Variants in SPTLC3 observed in about 807,000 individuals in gnomAD.
SPTLC3 encodes serine palmitoyltransferase 3.
Under a neutral mutation model 59.3 loss-of-function variants are expected in SPTLC3, and 36 were observed. The observed-to-expected ratio is 0.61, with a 90% CI of 0.47 to 0.80. SPTLC3 has a LOEUF of 0.80. Ranked by LOEUF, SPTLC3 falls within the 30% of genes least tolerant of loss-of-function variation. The pLI is 0.00. For missense variants in SPTLC3, 625 were observed against 685.1 expected (o/e 0.91, Z 0.98); for synonymous variants, 257 against 240.8 (o/e 1.07, Z -0.62).
At chr20:13,115,862 T>G (rs916006583) in intron 7 of SPTLC3, among the ~76,000 whole-genome samples, 1 of 152,148 alleles carries the variant, frequency 6.6e-6, no homozygotes, top group Non-Finnish European at 1.5e-5. Context: ...CTGTTTGTAT[T>G]GCATATGAGG....
At chr20:13,038,221 G>GT (rs1356136431) in intron 1 of SPTLC3, among the ~76,000 whole-genome samples, 2 of 151,974 alleles carry the variant, frequency 1.3e-5, no homozygotes, top group Non-Finnish European at 2.9e-5. Flanking sequence ...ATTCAGAAGT[G>GT]TTTTTTCCTT....
intron 1 of SPTLC3, among the ~76,000 whole-genome samples, chr20:13,041,418 C>T (rs1159607153): frequency 6.6e-6 from 1 of 152,098 alleles, no homozygotes; most frequent in Admixed American, 6.5e-5. Context: ...TGTTATTACA[C>T]TTTTCGATTT....
intron 2 of SPTLC3, among the ~76,000 whole-genome samples, chr20:13,068,335 T>C (rs1022294881): frequency 5.3e-5 from 8 of 152,222 alleles, no homozygotes; most frequent in African/African-American, 1.9e-4. Context: ...ATAAAGATGG[T>C]AAGCCAAATG....
intron 1 of SPTLC3, among the ~76,000 whole-genome samples, chr20:13,042,449 C>A (rs1334459612): frequency 6.6e-6 from 1 of 152,156 alleles, no homozygotes; most frequent in African/African-American, 2.4e-5. Flanking sequence ...CTCTATCCTG[C>A]TAGTGTGCTG....
chr20:13,152,555 C>T (rs1285947330), intron 9 of SPTLC3, among the ~76,000 whole-genome samples: 2 of 152,184 alleles, frequency 1.3e-5, no homozygotes, highest in African/African-American at 4.8e-5. Context: ...AAGCAGGCTT[C>T]CTCCAGGTTA....
At chr20:13,150,208 T>G (rs1470336826) in intron 9 of SPTLC3, among the ~76,000 whole-genome samples, 1 of 152,210 alleles carries the variant, frequency 6.6e-6, no homozygotes, top group Non-Finnish European at 1.5e-5. Flanking sequence ...TTTCAATGTA[T>G]GGGTGATTTT....
intron 9 of SPTLC3, 45 bp from the exon 10 acceptor site, chr20:13,153,958 T>G (rs1600397078): frequency 6.2e-7 from 1 of 1,604,552 alleles, no homozygotes; most frequent in Non-Finnish European, 8.5e-7. Context: ...TTTACTTCCC[T>G]CTTTCTAGTG....
chr20:13,151,104 G>T (rs1340809605), intron 9 of SPTLC3, among the ~76,000 whole-genome samples: 2 of 152,018 alleles, frequency 1.3e-5, no homozygotes, highest in Admixed American at 6.6e-5. Flanking sequence ...GACTCACCTT[G>T]CACTGCCCAC....
chr20:13,010,040 CTT>C (rs745481257), intron 1 of SPTLC3, among the ~76,000 whole-genome samples: 1 of 139,144 alleles, frequency 7.2e-6, no homozygotes, highest in East Asian at 2.2e-4. Context: ...CAACTTGACA[CTT>C]TTTTTTTTTT....
chr20:13,059,153 C>T lies in SPTLC3; in HGVS notation c.303+10023C>T, dbSNP rs185752620. ...AAAACATAGTTGTTTACATATCTCC[C>T]CTTTAATCTCAGAGTTAAATTCAAA... On this transcript the variant is annotated intron_variant, in intron 2 of 11. Coordinates refer to ENST00000399002, the MANE Select transcript of SPTLC3 (RefSeq NM_018327.4). 4.1e-4 allele frequency among the ~76,000 whole-genome samples: 63 copies of T among 152,260 alleles called. 2 individuals carry two copies. Among genetic ancestry groups the T allele is most frequent in the South Asian group, 3.3e-3 (16 of 4,824 alleles).
intron 6 of SPTLC3, among the ~76,000 whole-genome samples, chr20:13,102,756 A>G (rs1989648461): frequency 6.6e-6 from 1 of 152,168 alleles, no homozygotes; most frequent in African/African-American, 2.4e-5. Context: ...CCATCTCAGT[A>G]CTTTGTCTCA....
At chr20:13,049,301 A>G (rs1324744412) in intron 2 of SPTLC3, 171 bp downstream of exon 2, 9 of 697,054 alleles carry the variant, frequency 1.3e-5, no homozygotes, top group Non-Finnish European at 1.7e-5. Context: ...GGGCTTATGG[A>G]CCTGTTTTTA....
At chr20:13,111,740 G>C (rs1041145643) in intron 7 of SPTLC3, among the ~76,000 whole-genome samples, 4 of 152,188 alleles carry the variant, frequency 2.6e-5, no homozygotes, top group Non-Finnish European at 5.9e-5. Context: ...AGCTGAGAGA[G>C]AGCAGACTGG....
chr20:13,076,578 C>A (rs1232419612), intron 4 of SPTLC3, among the ~76,000 whole-genome samples: 1 of 151,048 alleles, frequency 6.6e-6, no homozygotes, highest in Non-Finnish European at 1.5e-5. Flanking sequence ...AACGAAATAA[C>A]AAGGAATCAC....
At chr20:13,075,964 G>C (rs1442334713) in intron 4 of SPTLC3, among the ~76,000 whole-genome samples, 1 of 152,208 alleles carries the variant, frequency 6.6e-6, no homozygotes, top group South Asian at 2.1e-4. Context: ...CATAGGTTTA[G>C]CAAACCTTAA....
chr20:13,147,457 A>G (rs1279835973), intron 9 of SPTLC3, among the ~76,000 whole-genome samples: 1 of 151,938 alleles, frequency 6.6e-6, no homozygotes. Flanking sequence ...AAAATAACAG[A>G]CGCTGGCTTC....
At chr20:13,086,784 C>T (rs1989019320) in intron 4 of SPTLC3, among the ~76,000 whole-genome samples, 1 of 151,820 alleles carries the variant, frequency 6.6e-6, no homozygotes, top group African/African-American at 2.4e-5. Flanking sequence ...TTTTCCTTTT[C>T]CTTCTTTTCT....
chr20:13,031,900 T>C (rs1986489430), intron 1 of SPTLC3, among the ~76,000 whole-genome samples: 1 of 152,206 alleles, frequency 6.6e-6, no homozygotes, highest in South Asian at 2.1e-4. Flanking sequence ...CTTAGTCCTG[T>C]CTTTTCCCGC....
rs958428451 is a variant in SPTLC3, at chr20:13,166,877, A to G, written c.*2010A>G. 4 of 152,174 alleles carry G rather than the reference A, an allele frequency of 2.6e-5. No individual in the cohort carries two copies. The highest frequency in any genetic ancestry group is 9.7e-5 in the African/African-American group (4 of 41,446). The allele number at this position is 152,174 out of a possible 1,614,324, so 9.4% of individuals were successfully genotyped here. ...CACTATTATTACTTTCATGGAGGATATTGGGTCTAATTCATTGTGGGAAAC... is the reference window on the plus strand; with the variant it reads ...CACTATTATTACTTTCATGGAGGATGTTGGGTCTAATTCATTGTGGGAAAC... On this transcript the variant is annotated 3_prime_UTR_variant, in exon 12 of 12. Coordinates refer to ENST00000399002, the MANE Select transcript of SPTLC3 (RefSeq NM_018327.4).
Sources: allele counts gnomAD v4.1 joint callset (sites outside exome capture counted in the v4.1 genomes callset), GRCh38; gene constraint gnomAD v4.1.1; transcripts MANE v1.5; gene names NCBI Gene and HGNC (gene_info 2026-07-23, HGNC 2026-07-21).